RYR1: variants seen among roughly 807,000 people sequenced by gnomAD.
RYR1 encodes the protein ryanodine receptor 1.
In RYR1, 342 loss-of-function variants were observed where a neutral mutation model predicts 583.5. The ratio of observed to expected loss-of-function variants is 0.59; its 90% CI spans 0.54 to 0.64. RYR1 has a LOEUF of 0.64. Among genes scored for constraint, RYR1 ranks in the 30% least tolerant of loss-of-function variants. The pLI is 0.00. For synonymous variants in RYR1, 2,791 were observed against 2,822.5 expected, an observed-to-expected ratio of 0.99 and a Z score of 0.35; for missense variants, 6,032 against 6,917.2, an observed-to-expected ratio of 0.87 and a Z score of 4.54.
At chr19:38,501,386 T>G (rs1465388742) in intron 47 of RYR1, among the ~76,000 whole-genome samples, 2 of 152,262 alleles carry the variant, frequency 1.3e-5, no homozygotes, top group East Asian at 3.9e-4. Flanking sequence ...TAATCCCAGC[T>G]ACTCAGGAGG....
intron 94 of RYR1, 69 bp downstream of exon 94, chr19:38,570,762 A>G: frequency 2.2e-6 from 3 of 1,338,110 alleles, no homozygotes; most frequent in African/African-American, 1.4e-5. Context: ...CTCAGCCCCT[A>G]TCAGAATTTC....
chr19:38,512,180 AC>A lies in RYR1; in HGVS notation c.9233+52del. The A allele has an allele frequency of 2.5e-6, 4 of 1,613,628 alleles. No individual in the cohort carries two copies. Among genetic ancestry groups the A allele is most frequent in the Non-Finnish European group, 3.4e-6 (4 of 1,179,752 alleles). The stretch of plus-strand genomic sequence containing the variant: ...CCACTCCCACCATCATCGGGCCCCC[AC>A]CCCAACCCCTGGTCTCCTAGACTCT... On this transcript the variant is annotated intron_variant, in intron 62 of 105. Coordinates refer to ENST00000359596, the MANE Select transcript of RYR1 (RefSeq NM_000540.3). This position sits in a 1 kb window ranked among gnomAD's most constrained non-coding sequence, Gnocchi z 5.1.
intron 1 of RYR1, among the ~76,000 whole-genome samples, chr19:38,440,411 C>T (rs1341198345): frequency 3.9e-5 from 6 of 152,052 alleles, no homozygotes; most frequent in East Asian, 3.9e-4. Context: ...TGGTGGTGCA[C>T]GCTTGTAATT....
chr19:38,457,702 C>A, intron 17 of RYR1, 72 bp downstream of exon 17: 1 of 1,488,416 alleles, frequency 6.7e-7, no homozygotes, highest in Non-Finnish European at 9.4e-7. Flanking sequence ...GACTCCACAC[C>A]CAGATGGATG....
At position 38,433,750 on chromosome 19, in the gene RYR1, GC is replaced by G. The variant is rs1972300098; in HGVS notation, c.-75del. ...CTCCAGAGGTCTCCGACCCCAGCCCGCCCCCAGCCCTCCCGCCCAGCCCGCA... is the reference window on the plus strand; with the variant it reads ...CTCCAGAGGTCTCCGACCCCAGCCCGCCCCAGCCCTCCCGCCCAGCCCGCA... On this transcript the variant is annotated 5_prime_UTR_variant, in exon 1 of 106. Coordinates refer to ENST00000359596, the MANE Select transcript of RYR1 (RefSeq NM_000540.3). 4.3e-5 allele frequency: 15 copies of G among 348,424 alleles called. No homozygotes were observed. Among genetic ancestry groups the G allele is most frequent in the South Asian group, 3.8e-4 (11 of 28,646 alleles). The allele number at this position is 348,424 out of a possible 1,614,324, so 21.6% of individuals were successfully genotyped here.
intron 48 of RYR1, 39 bp downstream of exon 48, chr19:38,502,766 G>A (rs760113610): frequency 1.6e-5 from 14 of 856,654 alleles, no homozygotes; most frequent in Admixed American, 2.4e-5. Flanking sequence ...CAGGGGCAGG[G>A]GCAGGGGCAG....
In RYR1 at chr19:38,442,442, G is replaced by C; in HGVS notation, c.259G>C (p.Ala87Pro). The change falls in exon 3 of 106, where the codon GCT (alanine) becomes CCT (proline). Residue 87 changes from alanine to proline, a missense_variant. Transcript: ENST00000359596. ...LQEMLANTVE[A>P]GVESSQGGGH... ...GGAGATGCTGGCTAACACGGTGGAGGCTGGCGTGGAGGTGAGGACCCCACC... is the reference window on the plus strand; with the variant it reads ...GGAGATGCTGGCTAACACGGTGGAGCCTGGCGTGGAGGTGAGGACCCCACC... The C allele has an allele frequency of 6.2e-7, 1 of 1,613,396 alleles. No homozygotes were observed. The highest frequency in any genetic ancestry group is 8.5e-7 in the Non-Finnish European group (1 of 1,179,528).
Position 38,565,636 on chromosome 19 carries a change from C to T in RYR1, c.13302C>T (p.Ala4434=). The change falls in exon 91 of 106, where the codon GCC becomes GCT. Residue 4434 remains alanine, a synonymous_variant. Transcript: ENST00000359596. This position sits in a 1 kb window ranked among gnomAD's most constrained non-coding sequence, Gnocchi z 4.7. ...EAVHEAGPGG[A]DGAVAVTDGG... ...TGCACGAGGCCGGGCCGGGCGGTGC[C>T]GACGGGGCGGTGGCCGTGACCGATG... 1 of 1,393,206 alleles carries T rather than the reference C, an allele frequency of 7.2e-7. No homozygotes were observed. The highest frequency in any genetic ancestry group is 9.2e-7 in the Non-Finnish European group (1 of 1,084,338). 86.3% of individuals were successfully genotyped at this position (1,393,206 alleles called of 1,614,324 possible).
chr19:38,463,408 T>C lies in RYR1; in HGVS notation c.2578-15T>C. On this transcript the variant is annotated splice_polypyrimidine_tract_variant and intron_variant, in intron 20 of 105. Transcript: ENST00000359596. ...GAGGGACCTTGGGGTCTCAAGAACG[T>C]CCCTCTGCCTCTAGATTGTCCTGCC... The C allele has an allele frequency of 6.2e-7, 1 of 1,611,836 alleles. No homozygotes were observed. Among genetic ancestry groups the C allele is most frequent in the Non-Finnish European group, 8.5e-7 (1 of 1,178,630 alleles).
chr19:38,493,553 T>C (rs1969657599), intron 38 of RYR1, among the ~76,000 whole-genome samples: 1 of 149,324 alleles, frequency 6.7e-6, no homozygotes, highest in Non-Finnish European at 1.5e-5. Context: ...TCTCACTGCG[T>C]CGCCCAGGCT....
intron 9 of RYR1, 137 bp from the exon 10 acceptor site, chr19:38,448,218 G>C (rs1966889089): frequency 4.1e-6 from 4 of 979,374 alleles, no homozygotes; most frequent in South Asian, 1.6e-5. Flanking sequence ...GATTGCTTGA[G>C]CCCTGGAGTT....
Position 38,455,344 on chromosome 19 carries a change from T to G in RYR1, c.1550T>G (p.Ile517Ser). 3 of 1,614,060 alleles carry G rather than the reference T, an allele frequency of 1.9e-6. No homozygotes were observed. The highest frequency in any genetic ancestry group is 2.5e-6 in the Non-Finnish European group (3 of 1,179,986). Residue 517 changes from isoleucine (I) to serine (S), a missense_variant, in exon 14 of 106, where the codon ATT becomes AGT. Transcript: ENST00000359596. ...GAGGCAGCCGAGTCCTGGAAAGAGATTGTGAATCTTCTCTATGAACTCCTA... is the reference window on the plus strand; with the variant it reads ...GAGGCAGCCGAGTCCTGGAAAGAGAGTGTGAATCTTCTCTATGAACTCCTA... ...GEEAAESWKE[I>S]VNLLYELLAS...
chr19:38,439,598 C>T (rs1214143100), intron 1 of RYR1, among the ~76,000 whole-genome samples: 6 of 152,206 alleles, frequency 3.9e-5, no homozygotes, highest in Admixed American at 2.6e-4. Flanking sequence ...CCTCTGCCTC[C>T]TGGGTTCAGG....
intron 25 of RYR1, 69 bp from the exon 26 acceptor site, chr19:38,468,897 C>A: frequency 6.5e-7 from 1 of 1,535,886 alleles, no homozygotes; most frequent in Non-Finnish European, 9.0e-7. Context: ...TCTCTCCCTC[C>A]CTGCTTCCTT....
intron 31 of RYR1, among the ~76,000 whole-genome samples, chr19:38,482,315 G>T (rs1170013152): frequency 6.6e-6 from 1 of 151,976 alleles, no homozygotes; most frequent in African/African-American, 2.4e-5. Context: ...CTGGGAGTTG[G>T]GTCCCAGGGT....
chr19:38,565,092 CCGAGGGCGAGCCGGAGACCGACGAGGA>C lies in RYR1; in HGVS notation c.12767_12793del (p.Glu4256_Gly4264del), dbSNP rs1309378148. On this transcript the variant is annotated inframe_deletion, in exon 91 of 106. Transcript: ENST00000359596. This position sits in a 1 kb window ranked among gnomAD's most constrained non-coding sequence, Gnocchi z 4.7. ...CAGATCGCCGCGCAGATCTCGGAGC[CCGAGGGCGAGCCGGAGACCGACGAGGA>C]CGAGGGCGCGGGCGCGGCGGAGGCG... The C allele has an allele frequency of 6.4e-7, 1 of 1,551,852 alleles. No homozygotes were observed. The highest frequency in any genetic ancestry group is 1.2e-5 in the South Asian group (1 of 84,568).
chr19:38,487,359 T>G (rs78962501), intron 34 of RYR1, among the ~76,000 whole-genome samples: 11,276 of 152,222 alleles, frequency 0.074, 551 homozygotes, highest in South Asian at 0.18. Flanking sequence ...GTTTGTGTGT[T>G]TGTTTGTTTT....
At chr19:38,549,502 C>A (rs77021014) in intron 89 of RYR1, among the ~76,000 whole-genome samples, 7,828 of 152,058 alleles carry the variant, frequency 0.051, 252 homozygotes, top group Middle Eastern at 0.068. Flanking sequence ...TATGGTGAGT[C>A]CTCAAGAGAT....
chr19:38,565,444 C>T lies in RYR1; in HGVS notation c.13110C>T (p.Gly4370=). The change falls in exon 91 of 106, where the codon GGC becomes GGT. Residue 4370 remains glycine (G), a synonymous_variant. Transcript: ENST00000359596. This position sits in a 1 kb window ranked among gnomAD's most constrained non-coding sequence, Gnocchi z 4.7. ...TGTTCGGCGGCGGCCTGGTGGAGGG[C>T]GCCAAGAAGGTGACGGTGACCGAGC... ...GSLFGGGLVE[G]AKKVTVTELL... The T allele has an allele frequency of 6.7e-7, 1 of 1,495,958 alleles. No individual in the cohort carries two copies. The highest frequency in any genetic ancestry group is 8.8e-7 in the Non-Finnish European group (1 of 1,130,062). The allele number at this position is 1,495,958 out of a possible 1,614,324, so 92.7% of individuals were successfully genotyped here. A position where few individuals can be genotyped will look rare whatever the true frequency, so the allele number is the denominator to read the frequency against.
Sources: allele counts gnomAD v4.1 joint callset (sites outside exome capture counted in the v4.1 genomes callset), GRCh38; gene constraint gnomAD v4.1.1; non-coding constraint Gnocchi (gnomAD v3.1); transcripts MANE v1.5; gene names NCBI Gene and HGNC (gene_info 2026-07-23, HGNC 2026-07-21).